The following JARID2 variants were observed in gnomAD, a reference collection of about 807,000 sequenced individuals.
The protein encoded by JARID2 is jumonji and AT-rich interaction domain containing 2.
In JARID2, 21 loss-of-function variants were observed where a neutral mutation model predicts 125.6. The observed-to-expected ratio is 0.17, with a 90% CI of 0.12 to 0.24. The LOEUF (loss-of-function observed/expected upper bound fraction) is 0.24, where lower values mean the gene tolerates loss of function less well. JARID2 is among the 10% of genes least tolerant of loss of function. The pLI is 1.00. For synonymous variants in JARID2, 736 were observed against 661.6 expected (o/e 1.11, Z -1.73); for missense variants, 1,303 against 1,639.6 (o/e 0.79, Z 3.55).
At chr6:15,300,026 A>G (rs1761548510) in intron 1 of JARID2, among the ~76,000 whole-genome samples, 1 of 152,146 alleles carries the variant, frequency 6.6e-6, no homozygotes, top group South Asian at 2.1e-4. Flanking sequence ...TAATGTCCCC[A>G]TTCTTCTATG....
At chr6:15,307,571 T>C (rs1312687891) in intron 1 of JARID2, among the ~76,000 whole-genome samples, 1 of 152,136 alleles carries the variant, frequency 6.6e-6, no homozygotes, top group Non-Finnish European at 1.5e-5. Context: ...ATTCCTTGGA[T>C]CTTTGTTTTC....
At chr6:15,517,508 G>A (rs1771620850) in intron 17 of JARID2, among the ~76,000 whole-genome samples, 1 of 152,208 alleles carries the variant, frequency 6.6e-6, no homozygotes, top group South Asian at 2.1e-4. Context: ...CAGGGCTGAG[G>A]CTCTTCCTGC....
intron 1 of JARID2, among the ~76,000 whole-genome samples, chr6:15,338,924 G>A (rs574250032): frequency 3.0e-4 from 46 of 152,280 alleles, no homozygotes; most frequent in Admixed American, 2.9e-3. Context: ...TAAAATATTT[G>A]AACTCTCCTG....
chr6:15,246,474 A>C lies in JARID2; in HGVS notation c.-66A>C. 6.8e-7 allele frequency: 1 copy of C among 1,469,238 alleles called. No homozygotes were observed. Among genetic ancestry groups the C allele is most frequent in the Non-Finnish European group, 9.4e-7 (1 of 1,059,378 alleles). The allele number at this position is 1,469,238 out of a possible 1,614,324, so 91.0% of individuals were successfully genotyped here. The stretch of plus-strand genomic sequence containing the variant: ...AAAACCACCAGGATATTTTTTTGCA[A>C]ATTTCTGACGGCTTTAAATTCATGA... On this transcript the variant is annotated 5_prime_UTR_variant, in exon 1 of 18. Transcript: ENST00000341776.
chr6:15,446,336 G>T (rs932910854), intron 3 of JARID2, among the ~76,000 whole-genome samples: 1 of 152,208 alleles, frequency 6.6e-6, no homozygotes, highest in Non-Finnish European at 1.5e-5. Flanking sequence ...TTTGGGGTTA[G>T]GTGGCTGGTT....
At chr6:15,391,399 G>A (rs1217554608) in intron 2 of JARID2, among the ~76,000 whole-genome samples, 1 of 152,176 alleles carries the variant, frequency 6.6e-6, no homozygotes, top group East Asian at 1.9e-4. Context: ...GAGTTTCAGA[G>A]CCAGCATGTG....
chr6:15,345,371 A>T (rs558227608), intron 1 of JARID2, among the ~76,000 whole-genome samples: 2 of 152,198 alleles, frequency 1.3e-5, no homozygotes, highest in Admixed American at 6.5e-5. Flanking sequence ...TCTGCTGTCA[A>T]TTACGAGTTG....
Position 15,512,908 on chromosome 6 carries a change from C to T in JARID2, c.3136-7C>T, listed in dbSNP as rs1471812490. ...TCCACCCTAAAGGGATGTGACTCCT[C>T]TTTCAGGAAATGAAGCGTCGCCATA... is the stretch of plus-strand genomic sequence containing the variant. On this transcript the variant is annotated splice_polypyrimidine_tract_variant and splice_region_variant and intron_variant, in intron 14 of 17. Coordinates refer to ENST00000341776, the MANE Select transcript of JARID2 (RefSeq NM_004973.4). 1 of 1,613,648 alleles carries T rather than the reference C, an allele frequency of 6.2e-7. No individual in the cohort carries two copies. The highest frequency in any genetic ancestry group is 1.3e-5 in the African/African-American group (1 of 74,952).
At chr6:15,460,469 G>C (rs1768390279) in intron 4 of JARID2, among the ~76,000 whole-genome samples, 2 of 152,136 alleles carry the variant, frequency 1.3e-5, no homozygotes, top group Non-Finnish European at 2.9e-5. Flanking sequence ...AATCCACTTA[G>C]AGAACATGGA....
At chr6:15,455,411 CCTT>C (rs1422571401) in intron 4 of JARID2, among the ~76,000 whole-genome samples, 3 of 152,122 alleles carry the variant, frequency 2.0e-5, no homozygotes, top group African/African-American at 7.2e-5. Context: ...TCAACATCCT[CCTT>C]CTGGGTGTTG....
intron 1 of JARID2, among the ~76,000 whole-genome samples, chr6:15,293,870 AG>A (rs537715521): frequency 1.5e-3 from 222 of 152,370 alleles, no homozygotes; most frequent in Middle Eastern, 0.014. Context: ...GGTTGCATGC[AG>A]GCCAGTGGCC....
intron 6 of JARID2, among the ~76,000 whole-genome samples, chr6:15,490,873 C>G (rs1291777821): frequency 6.6e-6 from 1 of 152,146 alleles, no homozygotes; most frequent in East Asian, 1.9e-4. Context: ...GGTTTGTAAG[C>G]CAGGATATTG....
intron 1 of JARID2, among the ~76,000 whole-genome samples, chr6:15,293,902 G>C (rs1224877906): frequency 1.3e-5 from 2 of 152,350 alleles, no homozygotes; most frequent in Non-Finnish European, 2.9e-5. Context: ...TGCCAGGAGG[G>C]ACCTGCTGGT....
In JARID2 at chr6:15,496,646, C is replaced by T. The variant is rs1323113015; in HGVS notation, c.1421C>T (p.Ala474Val). 5.0e-6 allele frequency: 8 copies of T among 1,611,352 alleles called. No individual in the cohort carries two copies. Among genetic ancestry groups the T allele is most frequent in the East Asian group, 2.2e-5 (1 of 44,876 alleles). The part of the protein sequence containing the change: ...AGPAEGPGKK[A>V]PAERGLLNGH... ...CCCGCCGAAGGCCCTGGCAAGAAGG[C>T]CCCGGCCGAGAGAGGTCTGCTGAAC... Residue 474 changes from alanine to valine, a missense_variant, in exon 7 of 18, where the codon GCC becomes GTC. Transcript: ENST00000341776.
intron 1 of JARID2, among the ~76,000 whole-genome samples, chr6:15,286,081 C>T (rs572641313): frequency 7.9e-5 from 12 of 152,102 alleles, no homozygotes; most frequent in Non-Finnish European, 1.2e-4. Flanking sequence ...CACTCTGTCT[C>T]CCAGGCTGGA....
intron 1 of JARID2, among the ~76,000 whole-genome samples, chr6:15,264,437 C>T (rs933560619): frequency 6.6e-6 from 1 of 152,280 alleles, no homozygotes; most frequent in Non-Finnish European, 1.5e-5. Flanking sequence ...ATGCTTCTCA[C>T]ACTCCAGTTT....
chr6:15,388,373 C>G (rs1764868768), intron 2 of JARID2, among the ~76,000 whole-genome samples: 2 of 151,958 alleles, frequency 1.3e-5, no homozygotes, highest in Non-Finnish European at 2.9e-5. Flanking sequence ...GTTCATAAAT[C>G]CCTTAATTTA....
intron 4 of JARID2, among the ~76,000 whole-genome samples, chr6:15,458,233 A>G (rs528485034): frequency 6.6e-6 from 1 of 152,342 alleles, no homozygotes; most frequent in South Asian, 2.1e-4. Context: ...AGCTTAATGT[A>G]GCAGAGCACT....
At chr6:15,352,874 A>AC (rs1177990685) in intron 1 of JARID2, among the ~76,000 whole-genome samples, 4 of 152,342 alleles carry the variant, frequency 2.6e-5, no homozygotes, top group African/African-American at 9.6e-5. Context: ...GGCTATTGAG[A>AC]CATCAATACA....
Sources: gnomAD v4.1 joint callset for allele counts (sites outside exome capture counted in the v4.1 genomes callset) on GRCh38, gnomAD v4.1.1 for gene constraint, MANE v1.5 for transcripts, NCBI Gene and HGNC (gene_info 2026-07-23, HGNC 2026-07-21) for gene names.